Variants in SLC12A1 observed in about 807,000 individuals in gnomAD.
SLC12A1 encodes the protein solute carrier family 12 member 1.
In SLC12A1, 89 loss-of-function variants were observed where a neutral mutation model predicts 130.4. The ratio of observed to expected loss-of-function variants is 0.68; its 90% CI spans 0.58 to 0.81. SLC12A1 has a LOEUF of 0.81. SLC12A1 is among the 40% of genes least tolerant of loss of function. The probability of loss-of-function intolerance (pLI) is 0.00; values close to 1 mark genes in which losing one functional copy is unlikely to be tolerated. For missense variants in SLC12A1, 1,310 were observed against 1,336.4 expected, an observed-to-expected ratio of 0.98 and a Z score of 0.31; for synonymous variants, 499 against 460.0, an observed-to-expected ratio of 1.08 and a Z score of -1.09.
Position 48,299,173 on chromosome 15 carries a change from T to C in SLC12A1, c.2994T>C (p.Tyr998=), listed in dbSNP as rs746910658. Residue 998 remains tyrosine (Y), a synonymous_variant, in exon 25 of 27, where the codon TAT becomes TAC. Transcript: ENST00000380993. Reference sequence around the variant, plus strand: ...TCTTTGAAGAGATGATTGAACCATATCGTCTCCATGAAAGCTGCAAAGATT... The same window carrying C: ...TCTTTGAAGAGATGATTGAACCATACCGTCTCCATGAAAGCTGCAAAGATT... ...WKVFEEMIEP[Y]RLHESCKDLT... The C allele has an allele frequency of 3.7e-6, 6 of 1,607,048 alleles. No homozygotes were observed. The highest frequency in any genetic ancestry group is 5.1e-6 in the Non-Finnish European group (6 of 1,178,098).
intron 8 of SLC12A1, among the ~76,000 whole-genome samples, chr15:48,234,516 G>T (rs1189509053): frequency 1.3e-5 from 2 of 152,156 alleles, no homozygotes; most frequent in Admixed American, 6.5e-5. Flanking sequence ...GTCGAGGCAG[G>T]TGGATCACCT....
Position 48,302,924 on chromosome 15 carries a change from GCA to G in SLC12A1, c.*40_*41del. 1 of 1,438,058 alleles carries G rather than the reference GCA, an allele frequency of 7.0e-7. No individual in the cohort carries two copies. Among genetic ancestry groups the G allele is most frequent in the Non-Finnish European group, 9.7e-7 (1 of 1,031,104 alleles). 89.1% of individuals were successfully genotyped at this position (1,438,058 alleles called of 1,614,324 possible). ...GGAATACATTTTAACTTAATGTAAT[GCA>G]TAATTAAGAAACATGTTCCAGTACT... On this transcript the variant is annotated 3_prime_UTR_variant, in exon 27 of 27. Coordinates refer to ENST00000380993, the MANE Select transcript of SLC12A1 (RefSeq NM_000338.3).
intron 17 of SLC12A1, among the ~76,000 whole-genome samples, chr15:48,260,852 T>C (rs1356496136): frequency 3.9e-5 from 6 of 152,248 alleles, no homozygotes; most frequent in African/African-American, 1.4e-4. Flanking sequence ...AGCATTTCTT[T>C]ACACTTGGCA....
At chr15:48,289,428 T>TATAA (rs1555386656) in intron 23 of SLC12A1, among the ~76,000 whole-genome samples, 64 of 106,792 alleles carry the variant, frequency 6.0e-4, no homozygotes, top group Non-Finnish European at 8.5e-4. Flanking sequence ...TATATATATA[T>TATAA]AATGTATAAC....
rs1566844794 is a variant in SLC12A1, at chr15:48,259,221, A to T, written c.2064A>T (p.Thr688=). ...KNFRPQCIVL[T]GGPMTRPALL... ...CCAGGCCCCAGTGCATTGTCTTAAC[A>T]GGGGGACCCATGACAAGACCTGCTC... is the stretch of plus-strand genomic sequence containing the variant. The change falls in exon 17 of 27, where the codon ACA becomes ACT. Residue 688 remains threonine, a synonymous_variant. Transcript: ENST00000380993. 2 of 1,612,992 alleles carry T rather than the reference A, an allele frequency of 1.2e-6. No homozygotes were observed. The highest frequency in any genetic ancestry group is 2.2e-5 in the South Asian group (2 of 91,052).
chr15:48,220,903 T>G lies in SLC12A1; in HGVS notation c.553-18T>G. The stretch of plus-strand genomic sequence containing the variant: ...TATCGTTTGTCCTGTCTCCTTTCAA[T>G]ACCGCTTCTATCCACAGGTAAGATG... On this transcript the variant is annotated intron_variant, in intron 3 of 26. Coordinates refer to ENST00000380993, the MANE Select transcript of SLC12A1 (RefSeq NM_000338.3). 1 of 1,613,702 alleles carries G rather than the reference T, an allele frequency of 6.2e-7. No homozygotes were observed. Among genetic ancestry groups the G allele is most frequent in the Non-Finnish European group, 8.5e-7 (1 of 1,179,582 alleles).
chr15:48,257,112 G>A (rs1435662111), intron 16 of SLC12A1, among the ~76,000 whole-genome samples: 2 of 152,194 alleles, frequency 1.3e-5, no homozygotes, highest in Non-Finnish European at 2.9e-5. Flanking sequence ...AATCCAGTGG[G>A]GCAGTAAAAT....
chr15:48,299,081 T>C, intron 24 of SLC12A1, 59 bp from the exon 25 acceptor site: 1 of 1,442,182 alleles, frequency 6.9e-7, no homozygotes, highest in East Asian at 2.3e-5. Context: ...ACCTGGAGTA[T>C]CTGTGAAATA....
rs1425996383 is a variant in SLC12A1, at chr15:48,303,859, T to C, written c.*974T>C. ...TATGGATTTAAAAGAATAATTAAAA[T>C]GTGAAGTTGAAAAACTTGTAAAATT... On this transcript the variant is annotated 3_prime_UTR_variant, in exon 27 of 27. Coordinates refer to ENST00000380993, the MANE Select transcript of SLC12A1 (RefSeq NM_000338.3). The C allele has an allele frequency of 6.6e-6, 1 of 152,230 alleles. No individual in the cohort carries two copies. The highest frequency in any genetic ancestry group is 1.5e-5 in the Non-Finnish European group (1 of 68,030). The allele number at this position is 152,230 out of a possible 1,614,324, so 9.4% of individuals were successfully genotyped here.
chr15:48,273,757 G>A (rs551741147), intron 19 of SLC12A1, among the ~76,000 whole-genome samples: 28 of 152,238 alleles, frequency 1.8e-4, no homozygotes, highest in African/African-American at 4.3e-4. Flanking sequence ...ATTGGAAACC[G>A]TTTGCATATG....
At chr15:48,282,784 A>T (rs894975066) in intron 20 of SLC12A1, among the ~76,000 whole-genome samples, 5 of 152,098 alleles carry the variant, frequency 3.3e-5, no homozygotes, top group Non-Finnish European at 7.4e-5. Flanking sequence ...CATATGCCTG[A>T]GAGTGTTTAG....
chr15:48,290,788 T>C (rs1434393276), intron 23 of SLC12A1, among the ~76,000 whole-genome samples: 4 of 146,720 alleles, frequency 2.7e-5, no homozygotes, highest in Admixed American at 6.6e-5. Context: ...ATAGATTTAA[T>C]TATACTTAAA....
At chr15:48,300,046 T>A (rs963447728) in intron 25 of SLC12A1, among the ~76,000 whole-genome samples, 2 of 152,130 alleles carry the variant, frequency 1.3e-5, no homozygotes, top group African/African-American at 4.8e-5. Context: ...GAAAGAAATC[T>A]TAGGGCCGGG....
At chr15:48,235,219 CAGA>C (rs1370089116) in intron 9 of SLC12A1, 15 of 615,006 alleles carry the variant, frequency 2.4e-5, no homozygotes, top group Non-Finnish European at 4.4e-5. Flanking sequence ...TCAGTGATAT[CAGA>C]AGAACAGGGT....
intron 20 of SLC12A1, among the ~76,000 whole-genome samples, chr15:48,278,078 G>A (rs2041972867): frequency 6.6e-6 from 1 of 152,150 alleles, no homozygotes. Context: ...CCCACTCAGT[G>A]AGTATTCACT....
chr15:48,255,453 A>AG (rs2041696526), intron 15 of SLC12A1, among the ~76,000 whole-genome samples: 1 of 151,250 alleles, frequency 6.6e-6, no homozygotes, highest in African/African-American at 2.4e-5. Context: ...AAAAAAAAAA[A>AG]GAAGAATTTG....
At chr15:48,257,512 G>A (rs1385629643) in intron 16 of SLC12A1, among the ~76,000 whole-genome samples, 1 of 152,144 alleles carries the variant, frequency 6.6e-6, no homozygotes, top group Non-Finnish European at 1.5e-5. Context: ...TACATCCTCT[G>A]ACATCTAGGA....
At chr15:48,291,140 G>A (rs766220585) in intron 23 of SLC12A1, among the ~76,000 whole-genome samples, 37 of 151,466 alleles carry the variant, frequency 2.4e-4, no homozygotes, top group African/African-American at 8.0e-4. Context: ...TAAATCAAAC[G>A]GGACAAAATA....
chr15:48,266,511 C>G (rs1566847814), intron 17 of SLC12A1, among the ~76,000 whole-genome samples: 1 of 150,748 alleles, frequency 6.6e-6, no homozygotes, highest in Non-Finnish European at 1.5e-5. Context: ...AAGACCGTGA[C>G]TCCAAGTGTG....
Sources: allele counts gnomAD v4.1 joint callset (sites outside exome capture counted in the v4.1 genomes callset), GRCh38; gene constraint gnomAD v4.1.1; transcripts MANE v1.5; gene names NCBI Gene and HGNC (gene_info 2026-07-23, HGNC 2026-07-21).